Variants in DNAAF10 observed in about 807,000 individuals in gnomAD.
DNAAF10 encodes the protein WD repeat domain 92.
Under a neutral mutation model 43.7 loss-of-function variants are expected in DNAAF10, and 28 were observed. That is an observed-to-expected ratio of 0.64 (90% CI 0.48 to 0.88). The LOEUF (loss-of-function observed/expected upper bound fraction) is 0.88, where lower values mean the gene tolerates loss of function less well. DNAAF10 is among the 40% of genes least tolerant of loss of function. The pLI, the probability that DNAAF10 is intolerant of heterozygous loss-of-function variation, is 0.00. For synonymous variants in DNAAF10, 156 were observed against 157.3 expected, an observed-to-expected ratio of 0.99 and a Z score of 0.06; for missense variants, 403 against 439.1, an observed-to-expected ratio of 0.92 and a Z score of 0.73.
At chr2:68,141,449 T>C (rs1384647332) in intron 4 of DNAAF10, among the ~76,000 whole-genome samples, 1 of 152,236 alleles carries the variant, frequency 6.6e-6, no homozygotes. Flanking sequence ...TTCCATTTTA[T>C]AAATGAAACA....
chr2:68,156,041 G>C (rs1673595495), intron 1 of DNAAF10, among the ~76,000 whole-genome samples: 1 of 140,610 alleles, frequency 7.1e-6, no homozygotes, highest in South Asian at 2.4e-4. Context: ...GGCGGAGGTT[G>C]CAGTGAGCTG....
chr2:68,138,181 A>C (rs190390792), intron 5 of DNAAF10, among the ~76,000 whole-genome samples: 1 of 144,774 alleles, frequency 6.9e-6, no homozygotes, highest in East Asian at 1.9e-4. Context: ...TCTCAAAACA[A>C]ACAAACAAAC....
At chr2:68,142,770 A>G (rs1016481662) in intron 3 of DNAAF10, among the ~76,000 whole-genome samples, 13 of 146,638 alleles carry the variant, frequency 8.9e-5, no homozygotes, top group African/African-American at 3.2e-4. Context: ...TGAGAATAAG[A>G]AAAGGGCAAA....
intron 5 of DNAAF10, among the ~76,000 whole-genome samples, chr2:68,138,410 T>C (rs1189775600): frequency 6.6e-6 from 1 of 152,232 alleles, no homozygotes; most frequent in Admixed American, 6.5e-5. Context: ...AGGTGACTAC[T>C]GTTTCAGGCT....
At position 68,157,325 on chromosome 2, in the gene DNAAF10, G is replaced by A. The variant is rs781032357; in HGVS notation, c.119C>T (p.Ala40Val). ...SAKFVTMGNF[A>V]RGTGVIQLYE... ...CAGCTGAATGACGCCGGTGCCCCGT[G>A]CGAAGTTGCCCATGGTCACAAATTT... Residue 40 changes from alanine (A) to valine (V), a missense_variant, in exon 1 of 8, where the codon GCA becomes GTA. Transcript: ENST00000295121. The A allele has an allele frequency of 5.0e-6, 8 of 1,614,182 alleles. No individual in the cohort carries two copies. In the South Asian group the frequency reaches 8.8e-5, roughly 18 times the overall value.
intron 7 of DNAAF10, chr2:68,134,485 T>G: frequency 7.4e-7 from 1 of 1,348,852 alleles, no homozygotes; most frequent in Non-Finnish European, 9.5e-7. Context: ...AATGATATAC[T>G]AAAATGTATC....
At chr2:68,154,546 T>G (rs1673542488) in intron 1 of DNAAF10, among the ~76,000 whole-genome samples, 2 of 152,148 alleles carry the variant, frequency 1.3e-5, no homozygotes, top group East Asian at 3.9e-4. Context: ...ACACCCGGCG[T>G]GAAAATACAC....
Position 68,157,500 on chromosome 2 carries a change from A to C in DNAAF10, c.-57T>G. On this transcript the variant is annotated 5_prime_UTR_variant, in exon 1 of 8. Transcript: ENST00000295121. ...ACACCCAGAGCCCCCAAAAACGGCAACCTGGAAACCAGACTCCAAACATTG... is the reference window on the plus strand; with the variant it reads ...ACACCCAGAGCCCCCAAAAACGGCACCCTGGAAACCAGACTCCAAACATTG... 1.2e-6 allele frequency: 2 copies of C among 1,611,514 alleles called. No homozygotes were observed. Among genetic ancestry groups the C allele is most frequent in the Non-Finnish European group, 1.7e-6 (2 of 1,177,638 alleles).
At chr2:68,147,346 T>C in intron 2 of DNAAF10, 121 bp downstream of exon 2, 1 of 678,688 alleles carries the variant, frequency 1.5e-6, no homozygotes, top group Non-Finnish European at 2.4e-6. Context: ...CATATTTTTA[T>C]AGTTAAAATG....
intron 1 of DNAAF10, chr2:68,157,050 G>T: frequency 1.4e-6 from 1 of 698,498 alleles, no homozygotes; most frequent in Non-Finnish European, 2.3e-6. Flanking sequence ...GGGGGTGGCA[G>T]GACGGTTGGG....
chr2:68,142,133 A>G (rs1331923495), intron 3 of DNAAF10, among the ~76,000 whole-genome samples: 2 of 152,236 alleles, frequency 1.3e-5, no homozygotes, highest in Admixed American at 6.5e-5. Flanking sequence ...TTTTTTAGGG[A>G]AAATACCAGT....
At chr2:68,146,906 T>G (rs1159126579) in intron 2 of DNAAF10, among the ~76,000 whole-genome samples, 1 of 152,134 alleles carries the variant, frequency 6.6e-6, no homozygotes, top group Non-Finnish European at 1.5e-5. Flanking sequence ...AAAAGGAATT[T>G]CAATTCATTC....
chr2:68,150,223 TCTTTTACCCAA>T (rs1425312066), intron 1 of DNAAF10, among the ~76,000 whole-genome samples: 2 of 152,224 alleles, frequency 1.3e-5, no homozygotes, highest in African/African-American at 4.8e-5. Context: ...TCCCTGTTAT[TCTTTTACCCAA>T]CTTTCACTTT....
chr2:68,148,931 T>C (rs1475276726), intron 1 of DNAAF10, among the ~76,000 whole-genome samples: 5 of 152,320 alleles, frequency 3.3e-5, no homozygotes, highest in African/African-American at 1.2e-4. Context: ...ACAAGGCAGA[T>C]CATGGTACAC....
intron 1 of DNAAF10, among the ~76,000 whole-genome samples, chr2:68,149,918 G>A (rs954502441): frequency 6.6e-6 from 1 of 152,212 alleles, no homozygotes; most frequent in Non-Finnish European, 1.5e-5. Flanking sequence ...TGTGGTTCCA[G>A]GAGACAGGGG....
In DNAAF10 at chr2:68,156,858, G is replaced by C. The variant is rs572570091; in HGVS notation, c.183+403C>G. 3.5e-4 allele frequency: 74 copies of C among 212,750 alleles called. 1 individual carries two copies. Among genetic ancestry groups the C allele is most frequent in the African/African-American group, 1.6e-3 (71 of 43,528 alleles). 13.2% of individuals were successfully genotyped at this position (212,750 alleles called of 1,614,324 possible). A position where few individuals can be genotyped will look rare whatever the true frequency, so the allele number is the denominator to read the frequency against. ...TCATCTCGGTTTGTATTTATGTATC[G>C]TTGCTTTGATTATTGAACTGAGTAT... On this transcript the variant is annotated intron_variant, in intron 1 of 7. Transcript: ENST00000295121.
intron 7 of DNAAF10, among the ~76,000 whole-genome samples, chr2:68,132,209 G>C (rs1434752024): frequency 1.3e-5 from 2 of 152,096 alleles, no homozygotes; most frequent in African/African-American, 4.8e-5. Flanking sequence ...CTCCTCAGAA[G>C]GCCTTTTAAA....
intron 7 of DNAAF10, chr2:68,134,034 C>T (rs1672979212): frequency 1.4e-6 from 1 of 714,022 alleles, no homozygotes; most frequent in Non-Finnish European, 1.7e-6. Flanking sequence ...AATTTTTCCC[C>T]TCCAAGTACA....
chr2:68,139,259 C>A (rs937683945), intron 4 of DNAAF10, among the ~76,000 whole-genome samples: 16 of 152,058 alleles, frequency 1.1e-4, no homozygotes, highest in African/African-American at 3.9e-4. Flanking sequence ...TGGCACCTCC[C>A]TCCTCCCCTC....
Sources: gnomAD v4.1 joint callset for allele counts (sites outside exome capture counted in the v4.1 genomes callset) on GRCh38, gnomAD v4.1.1 for gene constraint, MANE v1.5 for transcripts, NCBI Gene and HGNC (gene_info 2026-07-23, HGNC 2026-07-21) for gene names.